The following GSTA1 variants were observed in gnomAD, a reference collection of about 807,000 sequenced individuals.
The protein encoded by GSTA1 is glutathione S-transferase alpha 1.
In GSTA1, 23 loss-of-function variants were observed where a neutral mutation model predicts 21.5. The observed-to-expected ratio is 1.07, with a 90% CI of 0.77 to 1.52. The LOEUF (loss-of-function observed/expected upper bound fraction) is 1.52, where lower values mean the gene tolerates loss of function less well. GSTA1 is among the 40% of genes most tolerant of loss of function. GSTA1 has a pLI of 0.00. For missense variants in GSTA1, 301 were observed against 264.2 expected, an observed-to-expected ratio of 1.14 and a Z score of -0.96; for synonymous variants, 125 against 90.0, an observed-to-expected ratio of 1.39 and a Z score of -2.20.
chr6:52,792,883 A>T lies in GSTA1; in HGVS notation c.519T>A (p.Ser173Arg). 1 of 1,613,996 alleles carries T rather than the reference A, an allele frequency of 6.2e-7. No homozygotes were observed. The highest frequency in any genetic ancestry group is 8.5e-7 in the Non-Finnish European group (1 of 1,179,932). Residue 173 changes from serine (S) to arginine (R), a missense_variant, in exon 6 of 7, where the codon AGT (serine) becomes AGA (arginine). Physicochemically the swap from Ser to Arg is moderately radical, Grantham distance 110 (BLOSUM62 -1). Coordinates refer to ENST00000334575, the MANE Select transcript of GSTA1 (RefSeq NM_145740.5). ...LLYYVEELDS[S>R]LISSFPLLKA... is the part of the protein sequence containing the mutation. ...TCAGCAGAGGGAAGCTGGAGATAAG[A>T]CTGGAGTCAAGCTCCTCGACGTAGT... is the stretch of plus-strand genomic sequence containing the variant.
At chr6:52,800,410 A>G (rs1156711874) in intron 1 of GSTA1, among the ~76,000 whole-genome samples, 1 of 152,254 alleles carries the variant, frequency 6.6e-6, no homozygotes, top group African/African-American at 2.4e-5. Context: ...ACTTTTAAAA[A>G]TAAAATAGAA....
Position 52,792,896 on chromosome 6 carries a change from T to C in GSTA1, c.506A>G (p.Glu169Gly). The C allele has an allele frequency of 1.2e-6, 2 of 1,613,976 alleles. No individual in the cohort carries two copies. Among genetic ancestry groups the C allele is most frequent in the Non-Finnish European group, 1.7e-6 (2 of 1,179,954 alleles). The change falls in exon 6 of 7, where the codon GAG becomes GGG. Residue 169 changes from glutamate (E) to glycine (G), a missense_variant. By Grantham distance (98) the Glu-to-Gly change is moderately conservative. Transcript: ENST00000334575. ...HLVELLYYVE[E>G]LDSSLISSFP... Reference sequence around the variant, plus strand: ...GCTGGAGATAAGACTGGAGTCAAGCTCCTCGACGTAGTAGAGAAGTTCCAC... The same window carrying C: ...GCTGGAGATAAGACTGGAGTCAAGCCCCTCGACGTAGTAGAGAAGTTCCAC...
intron 1 of GSTA1, among the ~76,000 whole-genome samples, chr6:52,800,066 G>T (rs1183265689): frequency 6.6e-6 from 1 of 152,106 alleles, no homozygotes; most frequent in Non-Finnish European, 1.5e-5. Flanking sequence ...AACTCTATGG[G>T]GTGCATTTTG....
intron 1 of GSTA1, among the ~76,000 whole-genome samples, chr6:52,800,092 G>A (rs1038346427): frequency 6.6e-6 from 1 of 152,332 alleles, no homozygotes; most frequent in African/African-American, 2.4e-5. Flanking sequence ...TAAGCTGGAA[G>A]AAGAGATGTT....
At chr6:52,792,706 A>T in intron 6 of GSTA1, 150 bp downstream of exon 6, 1 of 1,586,146 alleles carries the variant, frequency 6.3e-7, no homozygotes, top group Non-Finnish European at 8.6e-7. Flanking sequence ...TCATTCCTCA[A>T]AATTGGAGCC....
At position 52,794,275 on chromosome 6, in the gene GSTA1, C is replaced by T. The variant is rs1323595779; in HGVS notation, c.273-9G>A. The T allele has an allele frequency of 6.2e-7, 1 of 1,605,710 alleles. No homozygotes were observed. Among genetic ancestry groups the T allele is most frequent in the East Asian group, 2.2e-5 (1 of 44,808 alleles). On this transcript the variant is annotated splice_polypyrimidine_tract_variant and intron_variant, in intron 4 of 6. Coordinates refer to ENST00000334575, the MANE Select transcript of GSTA1 (RefSeq NM_145740.5). Reference sequence around the variant, plus strand: ...CTATATACATATCAATCCTGAAAGACAGAAACAACCAAATGGTCAAATACC... The same window carrying T: ...CTATATACATATCAATCCTGAAAGATAGAAACAACCAAATGGTCAAATACC...
At chr6:52,796,543 AT>A (rs34109072) in intron 3 of GSTA1, among the ~76,000 whole-genome samples, 3 of 23,770 alleles carry the variant, frequency 1.3e-4, no homozygotes, top group African/African-American at 3.2e-4. Flanking sequence ...ATATATATAT[AT>A]TTTTTTTTTT....
chr6:52,799,905 C>G (rs1191385890), intron 1 of GSTA1, among the ~76,000 whole-genome samples: 1 of 150,548 alleles, frequency 6.6e-6, no homozygotes, highest in Non-Finnish European at 1.5e-5. Context: ...CGGCAGGGAG[C>G]TAAGTCACTC....
At chr6:52,795,795 T>A (rs1240836995) in intron 4 of GSTA1, among the ~76,000 whole-genome samples, 9 of 152,160 alleles carry the variant, frequency 5.9e-5, no homozygotes, top group Admixed American at 5.9e-4. Flanking sequence ...TCTTTGCAAC[T>A]TTCCCTCCCC....
At chr6:52,792,117 A>T in intron 6 of GSTA1, 137 bp from the exon 7 acceptor site, 1 of 1,231,602 alleles carries the variant, frequency 8.1e-7, no homozygotes. Context: ...GCAGAAACAG[A>T]CACCCAGTGA....
chr6:52,796,543 A>ATT (rs34109072), intron 3 of GSTA1, among the ~76,000 whole-genome samples: 2,400 of 23,736 alleles, frequency 0.1, 309 homozygotes, highest in Middle Eastern at 0.21. Context: ...ATATATATAT[A>ATT]TTTTTTTTTT....
At chr6:52,796,363 C>T (rs577845407) in intron 3 of GSTA1, 49 bp from the exon 4 acceptor site, 8 of 1,609,318 alleles carry the variant, frequency 5.0e-6, no homozygotes, top group South Asian at 1.1e-5. Context: ...TGAAACCCAC[C>T]CTTTTGGGAT....
chr6:52,797,776 G>T, intron 2 of GSTA1, 139 bp from the exon 3 acceptor site: 1 of 686,514 alleles, frequency 1.5e-6, no homozygotes, highest in Non-Finnish European at 2.5e-6. Context: ...GGCTGGTCAT[G>T]GCCATTTGGA....
intron 3 of GSTA1, among the ~76,000 whole-genome samples, chr6:52,796,545 T>TATATA (rs1386874190): frequency 8.1e-4 from 17 of 21,004 alleles, no homozygotes; most frequent in South Asian, 5.6e-3. Flanking sequence ...ATATATATAT[T>TATATA]TTTTTTTTTT....
At chr6:52,794,401 C>A in intron 4 of GSTA1, 135 bp from the exon 5 acceptor site, 1 of 756,048 alleles carries the variant, frequency 1.3e-6, no homozygotes, top group Non-Finnish European at 2.1e-6. Context: ...ATAGTCTAGT[C>A]ATTATGCTCT....
intron 1 of GSTA1, among the ~76,000 whole-genome samples, chr6:52,802,330 T>G (rs1581800131): frequency 6.6e-6 from 1 of 152,302 alleles, no homozygotes; most frequent in East Asian, 1.9e-4. Context: ...GAAGGGAGAA[T>G]GAGATAAACT....
Position 52,794,111 on chromosome 6 carries a change from A to G in GSTA1, c.414+14T>C, listed in dbSNP as rs1763519415. The G allele has an allele frequency of 2.5e-6, 4 of 1,613,514 alleles. No homozygotes were observed. The East Asian group carries it at 8.9e-5, about 36-fold the overall frequency. Reference sequence around the variant, plus strand: ...TAAACTCAGTTCCCCAAAACACTGAACTGCTTCACTTACTTTTTCAAAGGC... The same window carrying G: ...TAAACTCAGTTCCCCAAAACACTGAGCTGCTTCACTTACTTTTTCAAAGGC... On this transcript the variant is annotated intron_variant, in intron 5 of 6. Coordinates refer to ENST00000334575, the MANE Select transcript of GSTA1 (RefSeq NM_145740.5).
rs555227553 is a variant in GSTA1, at chr6:52,801,334, T to G, written c.-30-2037A>C. ...CTGAATCAACTCACCTGTTTTGTCATGAGATATTTTGACATTGTACTTTCT... is the reference window on the plus strand; with the variant it reads ...CTGAATCAACTCACCTGTTTTGTCAGGAGATATTTTGACATTGTACTTTCT... On this transcript the variant is annotated intron_variant, in intron 1 of 6. Coordinates refer to ENST00000334575, the MANE Select transcript of GSTA1 (RefSeq NM_145740.5). 2.5e-3 allele frequency among the ~76,000 whole-genome samples: 376 copies of G among 152,356 alleles called. 2 individuals carry two copies. The highest frequency in any genetic ancestry group is 0.017 in the Middle Eastern group (5 of 294).
Position 52,791,950 on chromosome 6 carries a change from T to C in GSTA1, c.577A>G (p.Thr193Ala). The part of the protein sequence containing the change: ...ALKTRISNLP[T>A]VKKFLQPGSP... ...CCAGGCTGTAGAAACTTCTTCACTG[T>C]GGGCAGGTTGCTGATTCTGGTTTTC... Residue 193 changes from threonine to alanine, a missense_variant, in exon 7 of 7, where the codon ACA (threonine) becomes GCA (alanine). Physicochemically the swap from Thr to Ala is moderately conservative, Grantham distance 58. Coordinates refer to ENST00000334575, the MANE Select transcript of GSTA1 (RefSeq NM_145740.5). The C allele has an allele frequency of 6.2e-7, 1 of 1,613,996 alleles. No individual in the cohort carries two copies. The highest frequency in any genetic ancestry group is 8.5e-7 in the Non-Finnish European group (1 of 1,179,864).
Sources: allele counts gnomAD v4.1 joint callset (sites outside exome capture counted in the v4.1 genomes callset), GRCh38; gene constraint gnomAD v4.1.1; transcripts MANE v1.5; gene names NCBI Gene and HGNC (gene_info 2026-07-23, HGNC 2026-07-21).